The following CAMTA2 variants were observed in gnomAD, a reference collection of about 807,000 sequenced individuals.
The protein encoded by CAMTA2 is calmodulin binding transcription activator 2, also known as calmodulin-binding transcription activator 2.
CAMTA2 carries 56 observed loss-of-function variants against 135.7 expected under a neutral mutation model. The observed-to-expected ratio is 0.41, with a 90% CI of 0.33 to 0.52. The LOEUF is 0.52. Ranked by LOEUF, CAMTA2 falls within the 20% of genes least tolerant of loss-of-function variation. The pLI is 0.16. For missense variants in CAMTA2, 1,358 were observed against 1,553.4 expected, an observed-to-expected ratio of 0.87 and a Z score of 2.11; for synonymous variants, 591 against 604.6, an observed-to-expected ratio of 0.98 and a Z score of 0.33.
At position 4,969,140 on chromosome 17, in the gene CAMTA2, T is replaced by G. The variant is rs376273402; in HGVS notation, c.3470+10A>C. On this transcript the variant is annotated intron_variant, in intron 21 of 22. Transcript: ENST00000348066. The surrounding 1 kb of genome is among the most constrained non-coding windows in gnomAD (Gnocchi z 5.6). ...GTGGGTGGGCACAGAGGGCTGGGGC[T>G]GGGCCCTACTTGTTGCGGGCAGGCA... The G allele has an allele frequency of 1.2e-6, 2 of 1,602,926 alleles. No homozygotes were observed. The highest frequency in any genetic ancestry group is 1.7e-6 in the Non-Finnish European group (2 of 1,176,218).
At position 4,986,261 on chromosome 17, in the gene CAMTA2, G is replaced by A. The variant is rs1567701508; in HGVS notation, c.-39C>T. Reference sequence around the variant, plus strand: ...GGGGGCAAGGTCACCCCCGGCCTGAGGGGCCGGGGGGAGGGGGAGTCTGTG... The same window carrying A: ...GGGGGCAAGGTCACCCCCGGCCTGAAGGGCCGGGGGGAGGGGGAGTCTGTG... On this transcript the variant is annotated 5_prime_UTR_variant, in exon 2 of 23. Coordinates refer to ENST00000348066, the MANE Select transcript of CAMTA2 (RefSeq NM_015099.4). 6.6e-7 allele frequency: 1 copy of A among 1,525,062 alleles called. No individual in the cohort carries two copies. Among genetic ancestry groups the A allele is most frequent in the Non-Finnish European group, 9.0e-7 (1 of 1,109,172 alleles). The allele number at this position is 1,525,062 out of a possible 1,614,324, so 94.5% of individuals were successfully genotyped here.
chr17:4,973,468 T>C (rs1972428943), intron 13 of CAMTA2, 117 bp downstream of exon 13: 1 of 1,093,406 alleles, frequency 9.1e-7, no homozygotes, highest in African/African-American at 1.6e-5. Flanking sequence ...CCCCCTCCCT[T>C]CCCACAATGA....
intron 11 of CAMTA2, 56 bp downstream of exon 11, chr17:4,977,002 T>C (rs981474331): frequency 1.9e-6 from 3 of 1,592,826 alleles, no homozygotes; most frequent in East Asian, 2.3e-5. Context: ...TCTAGGAGCA[T>C]GTCATGCTTA....
intron 10 of CAMTA2, 85 bp from the exon 11 acceptor site, chr17:4,977,277 A>G: frequency 3.3e-6 from 5 of 1,528,944 alleles, no homozygotes; most frequent in Middle Eastern, 1.9e-4. Context: ...CAATTATTCC[A>G]TAGTTATTTC....
chr17:4,981,699 A>G lies in CAMTA2; in HGVS notation c.544T>C (p.Leu182=), dbSNP rs1972969068. ...TTACACATGGGCTTCAGCTGTCCCA[A>G]CAACTCCTCCCGGGACCACTTCAGC... is the stretch of plus-strand genomic sequence containing the variant. The part of the protein sequence containing the change: ...EWLKWSREEL[L]GQLKPMFHGI... Residue 182 remains leucine, a synonymous_variant, in exon 7 of 23, where the codon TTG becomes CTG. Transcript: ENST00000348066. The G allele has an allele frequency of 6.2e-7, 1 of 1,608,210 alleles. No homozygotes were observed. The highest frequency in any genetic ancestry group is 8.5e-7 in the Non-Finnish European group (1 of 1,177,156).
At chr17:4,974,731 A>C (rs1972514257) in intron 11 of CAMTA2, 1 of 468,430 alleles carries the variant, frequency 2.1e-6, no homozygotes, top group Admixed American at 3.6e-5. Flanking sequence ...TCTGGAACCA[A>C]AACTGTTTCC....
chr17:4,982,025 T>C, intron 6 of CAMTA2, 64 bp downstream of exon 6: 1 of 1,395,404 alleles, frequency 7.2e-7, no homozygotes, highest in Middle Eastern at 1.8e-4. Flanking sequence ...CACTTCCTTC[T>C]TTCAGACCCG....
At chr17:4,975,966 T>C (rs1225589021) in intron 11 of CAMTA2, among the ~76,000 whole-genome samples, 2 of 152,194 alleles carry the variant, frequency 1.3e-5, no homozygotes, top group African/African-American at 4.8e-5. Context: ...TACACCATGT[T>C]ATTAGCAATG....
chr17:4,968,176 A>G lies in CAMTA2; in HGVS notation c.*580T>C. The G allele has an allele frequency of 3.5e-6, 1 of 286,324 alleles. No individual in the cohort carries two copies. Among genetic ancestry groups the G allele is most frequent in the Non-Finnish European group, 6.7e-6 (1 of 149,318 alleles). The allele number at this position is 286,324 out of a possible 1,614,324, so 17.7% of individuals were successfully genotyped here. ...TACTCTGTATGTTACAGTATGTACA[A>G]GACCCCTCCCCTCGGGGGACGGGGC... On this transcript the variant is annotated 3_prime_UTR_variant, in exon 23 of 23. Transcript: ENST00000348066.
At chr17:4,974,648 C>T (rs1269601939) in intron 11 of CAMTA2, 148 bp from the exon 12 acceptor site, 2 of 601,268 alleles carry the variant, frequency 3.3e-6, no homozygotes, top group Non-Finnish European at 6.1e-6. Context: ...TACCCCTTCA[C>T]CTAAATAAAG....
rs1567680872 is a variant in CAMTA2 at position 4,969,093 on chromosome 17, A to C, written c.3470+57T>G. 6.3e-7 allele frequency: 1 copy of C among 1,582,430 alleles called. No homozygotes were observed. The highest frequency in any genetic ancestry group is 2.2e-5 in the East Asian group (1 of 44,684). On this transcript the variant is annotated intron_variant, in intron 21 of 22. Coordinates refer to ENST00000348066, the MANE Select transcript of CAMTA2 (RefSeq NM_015099.4). The surrounding 1 kb of genome is among the most constrained non-coding windows in gnomAD (Gnocchi z 5.6). ...AGGCATGATGATCAAGAGGATGAGT[A>C]AGGGGGAATGGCGTGGATGCAGTGG...
In CAMTA2 at chr17:4,969,592, G is replaced by A; in HGVS notation, c.3261+38C>T. 6.2e-7 allele frequency: 1 copy of A among 1,613,508 alleles called. No homozygotes were observed. Among genetic ancestry groups the A allele is most frequent in the Non-Finnish European group, 8.5e-7 (1 of 1,179,588 alleles). ...TGGTTAGGCGTGGGTGTGGGTTGGT[G>A]GGTTGCTGGTTACACTTTTGAGGGA... is the stretch of plus-strand genomic sequence containing the variant. On this transcript the variant is annotated intron_variant, in intron 19 of 22. Coordinates refer to ENST00000348066, the MANE Select transcript of CAMTA2 (RefSeq NM_015099.4). The surrounding 1 kb of genome is among the most constrained non-coding windows in gnomAD (Gnocchi z 5.6).
At chr17:4,979,532 G>A (rs911975184) in intron 9 of CAMTA2, 152 bp downstream of exon 9, 44 of 401,974 alleles carry the variant, frequency 1.1e-4, no homozygotes, top group Middle Eastern at 6.4e-4. Flanking sequence ...AAAAAAAAGA[G>A]AGAGATTAGG....
intron 3 of CAMTA2, 58 bp downstream of exon 3, chr17:4,985,822 A>G: frequency 9.4e-7 from 1 of 1,069,194 alleles, no homozygotes; most frequent in Non-Finnish European, 1.5e-6. Context: ...CCCCCCACTC[A>G]CCCTCCTCCA....
intron 12 of CAMTA2, 69 bp downstream of exon 12, chr17:4,974,316 A>C: frequency 1.0e-6 from 1 of 964,040 alleles, no homozygotes; most frequent in Non-Finnish European, 1.7e-6. Context: ...CATGGGCACT[A>C]GATGTTTTCT....
intron 9 of CAMTA2, among the ~76,000 whole-genome samples, chr17:4,978,947 C>G (rs77336075): frequency 6.6e-6 from 1 of 152,222 alleles, no homozygotes; most frequent in African/African-American, 2.4e-5. Context: ...GTACTTCCTC[C>G]TTTTCCTCTC....
chr17:4,982,155 GA>G lies in CAMTA2; in HGVS notation c.344del (p.Leu115ProfsTer33). On this transcript the variant is annotated frameshift_variant, in exon 6 of 23. Transcript: ENST00000348066. LOFTEE classifies it high-confidence loss of function. ...TGGAAGAGTGAACGTAGCAGCCATAGAGACACTGCCAGGAGACAGGCTGGGG... is the reference window on the plus strand; with the variant it reads ...TGGAAGAGTGAACGTAGCAGCCATAGGACACTGCCAGGAGACAGGCTGGGG... ...MKLKVQGMECLYGCYVHSSIV... is the reference protein window; with the variant it reads ...MKLKVQGMECXYGCYVHSSIV... The G allele has an allele frequency of 6.7e-7, 1 of 1,486,258 alleles. No individual in the cohort carries two copies. Among genetic ancestry groups the G allele is most frequent in the Non-Finnish European group, 9.2e-7 (1 of 1,081,874 alleles). The allele number at this position is 1,486,258 out of a possible 1,614,324, so 92.1% of individuals were successfully genotyped here. A position where few individuals can be genotyped will look rare whatever the true frequency, so the allele number is the denominator to read the frequency against.
chr17:4,976,655 C>G (rs1186328543), intron 11 of CAMTA2, among the ~76,000 whole-genome samples: 1 of 152,040 alleles, frequency 6.6e-6, no homozygotes, highest in Admixed American at 6.6e-5. Flanking sequence ...GACCTGAGAT[C>G]GCGCCACTGC....
rs758689311 is a variant in CAMTA2 at position 4,968,835 on chromosome 17, TAGG to T, written c.3546-19_3546-17del. The T allele has an allele frequency of 3.9e-5, 63 of 1,613,212 alleles. No individual in the cohort carries two copies. The highest frequency in any genetic ancestry group is 1.0e-4 in the Admixed American group (6 of 59,996). ...TTCCCTCATCCTGCAGAGAGAAAGA[TAGG>T]AGTCAGAGGAGACTGGCGGATCACG... On this transcript the variant is annotated splice_polypyrimidine_tract_variant and intron_variant, in intron 22 of 22. Transcript: ENST00000348066.
Sources: gnomAD v4.1 joint callset for allele counts (sites outside exome capture counted in the v4.1 genomes callset) on GRCh38, gnomAD v4.1.1 for gene constraint, Gnocchi (gnomAD v3.1) non-coding constraint, MANE v1.5 for transcripts, NCBI Gene and HGNC (gene_info 2026-07-23, HGNC 2026-07-21) for gene names.